UNC79: variants seen among roughly 807,000 people sequenced by gnomAD.
UNC79 encodes unc-79 subunit of NALCN channel complex, also known as protein unc-79 homolog.
A neutral mutation model predicts 283.1 loss-of-function variants in UNC79; 37 were observed. That is an observed-to-expected ratio of 0.13 (90% CI 0.10 to 0.17). UNC79 has a LOEUF of 0.17. Ranked by LOEUF, UNC79 falls within the 10% of genes least tolerant of loss-of-function variation. The probability of loss-of-function intolerance (pLI) is 1.00; values close to 1 mark genes in which losing one functional copy is unlikely to be tolerated. For missense variants in UNC79, 2,272 were observed against 3,211.1 expected (o/e 0.71, Z 7.07); for synonymous variants, 1,107 against 1,200.2 (o/e 0.92, Z 1.61).
In UNC79 at chr14:93,637,210, C is replaced by G. The variant is rs2068584066; in HGVS notation, c.5717-6C>G. 1 of 1,112,188 alleles carries G rather than the reference C, an allele frequency of 9.0e-7. No homozygotes were observed. Among genetic ancestry groups the G allele is most frequent in the Non-Finnish European group, 1.4e-6 (1 of 721,780 alleles). 68.9% of individuals were successfully genotyped at this position (1,112,188 alleles called of 1,614,324 possible). ...TCAAAGACTGAAACCCTCTATTTAT[C>G]CACAGAACAGATACAGCCTGGGAAA... On this transcript the variant is annotated splice_region_variant and splice_polypyrimidine_tract_variant and intron_variant, in intron 31 of 48. Transcript: ENST00000555664.
intron 14 of UNC79, among the ~76,000 whole-genome samples, chr14:93,561,802 C>T (rs1435309044): frequency 1.3e-5 from 2 of 152,038 alleles, no homozygotes; most frequent in African/African-American, 2.4e-5. Flanking sequence ...ATATCAGCTG[C>T]GATGGCTTGG....
intron 27 of UNC79, among the ~76,000 whole-genome samples, chr14:93,615,168 A>C (rs2066607690): frequency 6.6e-6 from 1 of 152,146 alleles, no homozygotes; most frequent in Non-Finnish European, 1.5e-5. Flanking sequence ...ACATATTGCA[A>C]AGCACCTTGA....
chr14:93,551,139 T>G (rs1335952121), intron 14 of UNC79, among the ~76,000 whole-genome samples: 3 of 152,176 alleles, frequency 2.0e-5, no homozygotes, highest in African/African-American at 7.2e-5. Flanking sequence ...AAGCTCCGCC[T>G]CCCGGGTTCA....
At chr14:93,666,456 A>G (rs907635849) in intron 40 of UNC79, among the ~76,000 whole-genome samples, 16 of 152,148 alleles carry the variant, frequency 1.1e-4, no homozygotes, top group African/African-American at 3.6e-4. Context: ...GACTAATACT[A>G]ATAAAAAGAA....
At chr14:93,546,361 A>G (rs989212704) in intron 14 of UNC79, among the ~76,000 whole-genome samples, 4 of 152,212 alleles carry the variant, frequency 2.6e-5, no homozygotes, top group Non-Finnish European at 4.4e-5. Flanking sequence ...GCTAGATCCG[A>G]TCTCCTCCAC....
rs189892255 is a variant in UNC79 at position 93,361,487 on chromosome 14, G to A, written c.-351+27964G>A. ...GTTTGAACTACAGCACTACAGCCTG[G>A]GCGACACAGTGAGACACTATCTCAA... On this transcript the variant is annotated intron_variant, in intron 1 of 49. Coordinates refer to the UNC79 transcript ENST00000256339. 2.8e-4 allele frequency among the ~76,000 whole-genome samples: 41 copies of A among 149,018 alleles called. 1 individual carries two copies. Among genetic ancestry groups the A allele is most frequent in the Admixed American group, 2.0e-3 (29 of 14,798 alleles).
intron 1 of UNC79, among the ~76,000 whole-genome samples, chr14:93,403,180 C>T (rs928014559): frequency 6.6e-6 from 1 of 152,082 alleles, no homozygotes; most frequent in Non-Finnish European, 1.5e-5. Flanking sequence ...TCTGGCTCAG[C>T]GAATCTGCAT....
At chr14:93,388,398 G>A (rs577687410) in intron 1 of UNC79, among the ~76,000 whole-genome samples, 1 of 152,014 alleles carries the variant, frequency 6.6e-6, no homozygotes, top group East Asian at 1.9e-4. Flanking sequence ...TCTTCCTTCA[G>A]ACAAAGTTGA....
Position 93,660,563 on chromosome 14 carries a change from A to ATATATATGTGTGTG in UNC79, c.6525+1303_6525+1304insATATATGTGTGTGT, listed in dbSNP as rs1203621990. Among the ~76,000 whole-genome samples, 118 of 64,706 alleles carry ATATATATGTGTGTG rather than the reference A, an allele frequency of 1.8e-3. 1 individual carries two copies. Among genetic ancestry groups the ATATATATGTGTGTG allele is most frequent in the Non-Finnish European group, 2.8e-3 (97 of 34,342 alleles). The allele number at this position is 64,706 out of a possible 152,430, so 42.4% of individuals were successfully genotyped here. A position where few individuals can be genotyped will look rare whatever the true frequency, so the allele number is the denominator to read the frequency against. On this transcript the variant is annotated intron_variant, in intron 39 of 48. Coordinates refer to ENST00000555664, the Ensembl canonical transcript of UNC79. ...TATATATATATATATATATATATAT[A>ATATATATGTGTGTG]TGTGTGTGTGTGTGTGTTCATTTTA...
chr14:93,692,857 A>T (rs2074805571), intron 46 of UNC79, among the ~76,000 whole-genome samples: 8 of 152,166 alleles, frequency 5.3e-5, no homozygotes, highest in Admixed American at 5.2e-4. Context: ...GTATTGGAGG[A>T]GGACTCTCAG....
chr14:93,467,875 G>C, intron 2 of UNC79, 84 bp downstream of exon 2: 1 of 1,395,112 alleles, frequency 7.2e-7, no homozygotes, highest in Non-Finnish European at 9.3e-7. Flanking sequence ...TTATTGAATT[G>C]CAAGTTTTAA....
chr14:93,482,802 C>T (rs750979064), intron 4 of UNC79, among the ~76,000 whole-genome samples: 1 of 152,140 alleles, frequency 6.6e-6, no homozygotes, highest in Non-Finnish European at 1.5e-5. Flanking sequence ...CTACCTTCTG[C>T]TCTCCATCAA....
intron 7 of UNC79, among the ~76,000 whole-genome samples, chr14:93,514,884 A>T (rs967463041): frequency 1.3e-5 from 2 of 152,202 alleles, no homozygotes; most frequent in African/African-American, 4.8e-5. Flanking sequence ...GTCCAGTGGA[A>T]AGATAAGTTC....
rs531627387 is a variant in UNC79, at chr14:93,421,557, A to T, written c.-350-46114A>T. Among the ~76,000 whole-genome samples, 165 of 151,716 alleles carry T rather than the reference A, an allele frequency of 1.1e-3. 1 individual carries two copies. Among genetic ancestry groups the T allele is most frequent in the South Asian group, 4.5e-3 (21 of 4,656 alleles). ...AATAGTACCAGTCCTCTTCAAACAT[A>T]TTGGAAAAGTAGAGGAGGGGATAAT... On this transcript the variant is annotated intron_variant, in intron 1 of 49. Transcript: ENST00000256339.
intron 1 of UNC79, among the ~76,000 whole-genome samples, chr14:93,339,606 C>T (rs1200285268): frequency 2.0e-5 from 3 of 152,212 alleles, no homozygotes; most frequent in Admixed American, 6.5e-5. Flanking sequence ...GCCTAGATGG[C>T]CATTTTAACA....
At chr14:93,412,584 T>G (rs1437804809) in intron 1 of UNC79, among the ~76,000 whole-genome samples, 1 of 152,038 alleles carries the variant, frequency 6.6e-6, no homozygotes, top group Admixed American at 6.5e-5. Context: ...CAATACTGAC[T>G]GTTGGGAGTT....
chr14:93,454,003 A>T (rs1362654893), intron 1 of UNC79, among the ~76,000 whole-genome samples: 2 of 151,416 alleles, frequency 1.3e-5, no homozygotes, highest in Non-Finnish European at 2.9e-5. Context: ...CAAGTGTCCC[A>T]TCTCTGGGAC....
chr14:93,507,908 T>C (rs1400356465), intron 7 of UNC79, among the ~76,000 whole-genome samples: 1 of 152,180 alleles, frequency 6.6e-6, no homozygotes, highest in Admixed American at 6.5e-5. Context: ...CCTTATGATT[T>C]ATATTTCCTT....
chr14:93,638,338 G>T (rs1262715494), intron 32 of UNC79, among the ~76,000 whole-genome samples: 1 of 152,142 alleles, frequency 6.6e-6, no homozygotes, highest in Admixed American at 6.5e-5. Context: ...TCTCATCTAT[G>T]GGGCTAGGAA....
Sources: allele counts gnomAD v4.1 joint callset (sites outside exome capture counted in the v4.1 genomes callset), GRCh38; gene constraint gnomAD v4.1.1; transcripts MANE v1.5; gene names NCBI Gene and HGNC (gene_info 2026-07-23, HGNC 2026-07-21).